Variants in DRAM1 observed in about 807,000 individuals in gnomAD.
DRAM1 encodes the protein DNA damage regulated autophagy modulator 1.
Under a neutral mutation model 28.5 loss-of-function variants are expected in DRAM1, and 25 were observed. The observed-to-expected ratio is 0.88, with a 90% confidence interval of 0.64 to 1.23. The LOEUF (loss-of-function observed/expected upper bound fraction) is 1.23, where lower values mean the gene tolerates loss of function less well. Ranked by LOEUF, DRAM1 falls within the 50% of genes most tolerant of loss-of-function variation. The pLI, the probability that DRAM1 is intolerant of heterozygous loss-of-function variation, is 0.00. For missense variants in DRAM1, 249 were observed against 299.2 expected (o/e 0.83, Z 1.24); for synonymous variants, 113 against 114.2 (o/e 0.99, Z 0.07).
chr12:101,884,667 A>G (rs1872817914), intron 1 of DRAM1, among the ~76,000 whole-genome samples: 1 of 152,188 alleles, frequency 6.6e-6, no homozygotes. Flanking sequence ...TTGGCCACCC[A>G]TATTGTCCTA....
In DRAM1 at chr12:101,920,221, A is replaced by G. The variant is rs766958063; in HGVS notation, c.672+20A>G. 6 of 1,549,980 alleles carry G rather than the reference A, an allele frequency of 3.9e-6. No individual in the cohort carries two copies. The East Asian group carries it at 6.8e-5, about 17-fold the overall frequency. On this transcript the variant is annotated intron_variant, in intron 6 of 6. Coordinates refer to ENST00000258534, the MANE Select transcript of DRAM1 (RefSeq NM_018370.3). ...TTCCAGGTAGGTGTTTATCAATTCA[A>G]ATGTTTTAAATTGCGGACAATTAGG...
chr12:101,920,290 GCAC>G, intron 6 of DRAM1, 89 bp downstream of exon 6: 1 of 344,692 alleles, frequency 2.9e-6, no homozygotes, highest in South Asian at 5.3e-5. Context: ...TTTAAAAAGA[GCAC>G]TTTCTTTTTT....
At chr12:101,887,204 C>T (rs939963146) in intron 1 of DRAM1, among the ~76,000 whole-genome samples, 3 of 151,050 alleles carry the variant, frequency 2.0e-5, no homozygotes, top group African/African-American at 7.3e-5. Context: ...ACAAATTGTC[C>T]GAAAAAAATT....
chr12:101,883,707 G>A (rs1200090129), intron 1 of DRAM1, among the ~76,000 whole-genome samples: 4 of 151,646 alleles, frequency 2.6e-5, no homozygotes, highest in Admixed American at 2.6e-4. Context: ...GGAGGCCAAA[G>A]CAGGCGGATC....
Position 101,877,892 on chromosome 12 carries a change from C to T in DRAM1, c.103C>T (p.His35Tyr). The T allele has an allele frequency of 6.5e-7, 1 of 1,542,916 alleles. No homozygotes were observed. Among genetic ancestry groups the T allele is most frequent in the Non-Finnish European group, 8.8e-7 (1 of 1,141,968 alleles). The change falls in exon 1 of 7, where the codon CAC becomes TAC. Residue 35 changes from histidine (H) to tyrosine (Y), a missense_variant. This residue lies in a region of DRAM1 where 218 missense variants were observed against 243.1 expected (regional missense o/e 0.90). Transcript: ENST00000258534. The surrounding 1 kb of genome is among the most constrained non-coding windows in gnomAD (Gnocchi z 4.1). The stretch of plus-strand genomic sequence containing the variant: ...CTACGTGGTCGCCGTGCTCTCCGGG[C>T]ACGTCAACCCCTTCCTCCCGTATAT... ...ISYVVAVLSG[H>Y]VNPFLPYISD...
chr12:101,910,211 A>T (rs1873986652), intron 4 of DRAM1, among the ~76,000 whole-genome samples: 1 of 152,178 alleles, frequency 6.6e-6, no homozygotes, highest in Non-Finnish European at 1.5e-5. Flanking sequence ...TGTTCCTAAG[A>T]TAGTTGCTTC....
chr12:101,893,795 C>CT (rs1873235511), intron 1 of DRAM1, among the ~76,000 whole-genome samples: 1 of 148,626 alleles, frequency 6.7e-6, no homozygotes, highest in South Asian at 2.1e-4. Context: ...TTGGCCAGTA[C>CT]TGATATTCAT....
At chr12:101,913,263 G>C (rs1874109153) in intron 4 of DRAM1, among the ~76,000 whole-genome samples, 1 of 152,030 alleles carries the variant, frequency 6.6e-6, no homozygotes, top group Non-Finnish European at 1.5e-5. Context: ...CCAGATCTTT[G>C]GTCCAGGAAG....
At chr12:101,921,106 AACC>A (rs1874464791) in intron 6 of DRAM1, 107 bp from the exon 7 acceptor site, 1 of 832,388 alleles carries the variant, frequency 1.2e-6, no homozygotes, top group Non-Finnish European at 2.1e-6. Flanking sequence ...GCATAGCACA[AACC>A]ATAGTGAGAT....
chr12:101,909,006 A>G (rs750536261), intron 4 of DRAM1, among the ~76,000 whole-genome samples: 19 of 151,840 alleles, frequency 1.3e-4, no homozygotes, highest in Non-Finnish European at 2.4e-4. Flanking sequence ...TCACGCCTGT[A>G]ATCCCAGCAC....
chr12:101,910,509 A>T (rs1873999695), intron 4 of DRAM1, among the ~76,000 whole-genome samples: 1 of 145,366 alleles, frequency 6.9e-6, no homozygotes, highest in East Asian at 2.0e-4. Context: ...ACAGAGTCTC[A>T]CTCTGTCACC....
chr12:101,906,957 TAGACTG>T (rs1475704542), intron 3 of DRAM1, among the ~76,000 whole-genome samples: 7 of 151,752 alleles, frequency 4.6e-5, no homozygotes, highest in African/African-American at 1.7e-4. Flanking sequence ...ACTTTCTGCC[TAGACTG>T]GCACAGGGGC....
At chr12:101,883,463 G>C (rs932718952) in intron 1 of DRAM1, among the ~76,000 whole-genome samples, 1 of 151,372 alleles carries the variant, frequency 6.6e-6, no homozygotes, top group Non-Finnish European at 1.5e-5. Context: ...ACAGGCACGT[G>C]CCACCACACC....
chr12:101,893,581 C>T (rs199866577), intron 1 of DRAM1, among the ~76,000 whole-genome samples: 1 of 152,130 alleles, frequency 6.6e-6, no homozygotes, highest in African/African-American at 2.4e-5. Context: ...ATAGGGAATC[C>T]TCTGTGTAGC....
intron 1 of DRAM1, among the ~76,000 whole-genome samples, chr12:101,879,353 G>A (rs905322867): frequency 6.6e-6 from 1 of 152,222 alleles, no homozygotes; most frequent in South Asian, 2.1e-4. Flanking sequence ...GTGCAAATTT[G>A]CAGTAATGAT....
intron 6 of DRAM1, 92 bp downstream of exon 6, chr12:101,920,293 C>CTTTATTTTTTT: frequency 3.1e-5 from 8 of 262,126 alleles, no homozygotes; most frequent in Non-Finnish European, 3.3e-5. Context: ...AAAAAGAGCA[C>CTTTATTTTTTT]TTTCTTTTTT....
At chr12:101,896,413 A>G (rs972374518) in intron 1 of DRAM1, among the ~76,000 whole-genome samples, 2 of 152,194 alleles carry the variant, frequency 1.3e-5, no homozygotes, top group African/African-American at 4.8e-5. Context: ...TTTTGCCATC[A>G]GTTTTAAAGT....
At position 101,921,198 on chromosome 12, in the gene DRAM1, T is replaced by C; in HGVS notation, c.673-18T>C. The C allele has an allele frequency of 6.4e-7, 1 of 1,572,478 alleles. No individual in the cohort carries two copies. The highest frequency in any genetic ancestry group is 1.3e-5 in the African/African-American group (1 of 74,156). ...GTTTAACTTCTTTTAAACCTTTCTC[T>C]TTCATTTTTAAAAATAGAGTGTCAC... On this transcript the variant is annotated intron_variant, in intron 6 of 6. Transcript: ENST00000258534.
intron 4 of DRAM1, among the ~76,000 whole-genome samples, chr12:101,910,011 A>G (rs753903273): frequency 1.3e-5 from 2 of 152,214 alleles, no homozygotes; most frequent in South Asian, 2.1e-4. Flanking sequence ...ATGGAGTGAA[A>G]ACACATCACT....
Sources: gnomAD v4.1 joint callset for allele counts (sites outside exome capture counted in the v4.1 genomes callset) on GRCh38, gnomAD v4.1.1 for gene constraint, gnomAD v4.1.1 regional missense constraint, Gnocchi (gnomAD v3.1) non-coding constraint, MANE v1.5 for transcripts, NCBI Gene and HGNC (gene_info 2026-07-23, HGNC 2026-07-21) for gene names.